Variants in DDR2 observed in about 807,000 individuals in gnomAD.
DDR2 encodes discoidin domain-containing receptor 2.
A neutral mutation model predicts 94.9 loss-of-function variants in DDR2; 27 were observed. The ratio of observed to expected loss-of-function variants is 0.28; its 90% CI spans 0.21 to 0.39. DDR2 has a LOEUF of 0.39. Among genes scored for constraint, DDR2 ranks in the 10% least tolerant of loss-of-function variants. The pLI is 1.00. For missense variants in DDR2, 783 were observed against 1,076.0 expected (o/e 0.73, Z 3.81); for synonymous variants, 382 against 377.2 (o/e 1.01, Z -0.15).
At chr1:162,758,232 G>C (rs984236138) in intron 7 of DDR2, among the ~76,000 whole-genome samples, 2 of 152,144 alleles carry the variant, frequency 1.3e-5, no homozygotes, top group African/African-American at 4.8e-5. Context: ...TTGAAGTAAT[G>C]AAATATCTGG....
intron 1 of DDR2, among the ~76,000 whole-genome samples, chr1:162,633,865 C>A (rs1311452070): frequency 1.3e-5 from 2 of 152,186 alleles, no homozygotes; most frequent in African/African-American, 4.8e-5. Flanking sequence ...ATGCTCAGAG[C>A]TCTTCATACA....
At chr1:162,765,955 C>G (rs755400163) in intron 9 of DDR2, 46 bp from the exon 10 acceptor site, 1 of 1,581,424 alleles carries the variant, frequency 6.3e-7, no homozygotes. Flanking sequence ...AAAACACTAG[C>G]TGTCTGTCTT....
At position 162,772,142 on chromosome 1, in the gene DDR2, T is replaced by A; in HGVS notation, c.1623T>A (p.Pro541=). The A allele has an allele frequency of 7.4e-6, 12 of 1,614,210 alleles. No homozygotes were observed. Among genetic ancestry groups the A allele is most frequent in the Non-Finnish European group, 1.0e-5 (12 of 1,180,026 alleles). The change falls in exon 13 of 18, where the codon CCT becomes CCA. Residue 541 remains proline (P), a synonymous_variant. Coordinates refer to ENST00000367921, the MANE Select transcript of DDR2 (RefSeq NM_006182.4). ...CAGGAGGCAACACATACTCAGTGCC[T>A]GCCGTCACCATGGACCTGCTCTCAG... ...GVTGGNTYSV[P]AVTMDLLSGK...
chr1:162,708,317 T>C (rs1403783792), intron 2 of DDR2, among the ~76,000 whole-genome samples: 1 of 152,158 alleles, frequency 6.6e-6, no homozygotes, highest in Non-Finnish European at 1.5e-5. Context: ...TATAGCTAGA[T>C]GAGATAGAAT....
intron 1 of DDR2, among the ~76,000 whole-genome samples, chr1:162,634,404 T>A (rs1207942722): frequency 1.3e-5 from 2 of 152,254 alleles, no homozygotes; most frequent in African/African-American, 2.4e-5. Flanking sequence ...GCAAGAGGTA[T>A]TGGACATGCA....
At chr1:162,707,111 T>A (rs1660698443) in intron 2 of DDR2, among the ~76,000 whole-genome samples, 1 of 152,156 alleles carries the variant, frequency 6.6e-6, no homozygotes, top group South Asian at 2.1e-4. Context: ...CTGGGCCATA[T>A]TCTTCCTAGG....
chr1:162,712,968 G>A (rs1234403021), intron 2 of DDR2, among the ~76,000 whole-genome samples: 1 of 152,122 alleles, frequency 6.6e-6, no homozygotes, highest in Non-Finnish European at 1.5e-5. Flanking sequence ...CTCTAATTCA[G>A]CACAATGAAT....
intron 2 of DDR2, among the ~76,000 whole-genome samples, chr1:162,701,572 A>G (rs911017161): frequency 1.3e-5 from 2 of 152,242 alleles, no homozygotes; most frequent in African/African-American, 4.8e-5. Context: ...GTGAACAGAC[A>G]CATAGATTAT....
chr1:162,674,636 C>CACCA (rs1659040639), intron 2 of DDR2, among the ~76,000 whole-genome samples: 1 of 152,202 alleles, frequency 6.6e-6, no homozygotes, highest in Non-Finnish European at 1.5e-5. Flanking sequence ...CACCAGCAAT[C>CACCA]TCTGTTTTAT....
chr1:162,654,207 G>T (rs1434476548), intron 1 of DDR2, among the ~76,000 whole-genome samples: 1 of 152,162 alleles, frequency 6.6e-6, no homozygotes, highest in African/African-American at 2.4e-5. Context: ...TGAGGCCGAG[G>T]TGGGAGGATC....
chr1:162,741,248 A>G (rs1165563351), intron 3 of DDR2, among the ~76,000 whole-genome samples: 1,289 of 120,690 alleles, frequency 0.011, 35 homozygotes, highest in African/African-American at 0.039. Context: ...ATAATATAGT[A>G]TAATGTAATG....
rs537108253 is a variant in DDR2 at position 162,770,728 on chromosome 1, C to T, written c.1504+216C>T. ...TGAATATAAGATGTGTGGAGGGACCCACATACCAGAAAAGAAAGAAAAAAA... is the reference window on the plus strand; with the variant it reads ...TGAATATAAGATGTGTGGAGGGACCTACATACCAGAAAAGAAAGAAAAAAA... On this transcript the variant is annotated intron_variant, in intron 12 of 17. Coordinates refer to ENST00000367921, the MANE Select transcript of DDR2 (RefSeq NM_006182.4). The T allele has an allele frequency of 1.1e-4, 75 of 683,418 alleles. No homozygotes were observed. The African/African-American group carries it at 1.2e-3, about 11-fold the overall frequency. The allele number at this position is 683,418 out of a possible 1,614,324, so 42.3% of individuals were successfully genotyped here. A position where few individuals can be genotyped will look rare whatever the true frequency, so the allele number is the denominator to read the frequency against.
chr1:162,778,972 C>T (rs913492504), intron 17 of DDR2, among the ~76,000 whole-genome samples: 1 of 152,168 alleles, frequency 6.6e-6, no homozygotes, highest in East Asian at 1.9e-4. Flanking sequence ...TCAGGTTTCT[C>T]CCCAGCTCAA....
intron 1 of DDR2, among the ~76,000 whole-genome samples, chr1:162,648,533 T>A (rs1383140273): frequency 6.6e-6 from 1 of 152,124 alleles, no homozygotes; most frequent in Non-Finnish European, 1.5e-5. Flanking sequence ...GTGACAGCAG[T>A]ATGTAAGCAA....
chr1:162,774,848 C>T (rs964898772), intron 14 of DDR2, among the ~76,000 whole-genome samples: 2 of 152,106 alleles, frequency 1.3e-5, no homozygotes, highest in Admixed American at 6.5e-5. Context: ...TGCATCAGGA[C>T]GGCATTGATT....
intron 1 of DDR2, among the ~76,000 whole-genome samples, chr1:162,649,048 G>A (rs1657553101): frequency 6.6e-6 from 1 of 152,008 alleles, no homozygotes; most frequent in African/African-American, 2.4e-5. Flanking sequence ...TTCTGCTTGA[G>A]ACCTACAAAG....
rs550070776 is a variant in DDR2 at position 162,783,728 on chromosome 1, T to A, written c.*3482T>A. On this transcript the variant is annotated 3_prime_UTR_variant, in exon 18 of 18. Coordinates refer to ENST00000367921, the MANE Select transcript of DDR2 (RefSeq NM_006182.4). Reference sequence around the variant, plus strand: ...TGAAATGGAAAGGAATTTTTCAGAATTTTAAGAAAGGGGAAGTTCCTCTTG... The same window carrying A: ...TGAAATGGAAAGGAATTTTTCAGAAATTTAAGAAAGGGGAAGTTCCTCTTG... The A allele has an allele frequency of 2.0e-5, 3 of 152,312 alleles. No individual in the cohort carries two copies. Among genetic ancestry groups the A allele is most frequent in the Admixed American group, 2.0e-4 (3 of 15,304 alleles). 9.4% of individuals were successfully genotyped at this position (152,312 alleles called of 1,614,324 possible). A position where few individuals can be genotyped will look rare whatever the true frequency, so the allele number is the denominator to read the frequency against.
intron 3 of DDR2, among the ~76,000 whole-genome samples, chr1:162,744,897 C>T (rs955442657): frequency 1.3e-5 from 2 of 152,158 alleles, no homozygotes; most frequent in Non-Finnish European, 2.9e-5. Context: ...ATATGGTAGT[C>T]CTATTTTTAA....
intron 12 of DDR2, among the ~76,000 whole-genome samples, chr1:162,771,369 A>G (rs1384429998): frequency 6.6e-6 from 1 of 152,194 alleles, no homozygotes; most frequent in Non-Finnish European, 1.5e-5. Flanking sequence ...ATTTTATAGG[A>G]AGGAGCCTGA....
Sources: gnomAD v4.1 joint callset for allele counts (sites outside exome capture counted in the v4.1 genomes callset) on GRCh38, gnomAD v4.1.1 for gene constraint, MANE v1.5 for transcripts, NCBI Gene and HGNC (gene_info 2026-07-23, HGNC 2026-07-21) for gene names.